CDC14A: variants seen among roughly 807,000 people sequenced by gnomAD.
CDC14A encodes cell division cycle 14A, also known as dual specificity protein phosphatase CDC14A.
CDC14A carries 53 observed loss-of-function variants against 74.4 expected under a neutral mutation model. That is an observed-to-expected ratio of 0.71 (90% confidence interval 0.57 to 0.89). The LOEUF (loss-of-function observed/expected upper bound fraction) is 0.89. Among genes scored for constraint, CDC14A ranks in the 40% least tolerant of loss-of-function variants. The pLI is 0.00. For synonymous variants in CDC14A, 247 were observed against 258.4 expected (o/e 0.96, Z 0.43); for missense variants, 646 against 713.7 (o/e 0.91, Z 1.08).
At chr1:100,472,540 T>C (rs1347812188) in intron 10 of CDC14A, among the ~76,000 whole-genome samples, 3 of 152,190 alleles carry the variant, frequency 2.0e-5, no homozygotes, top group Non-Finnish European at 4.4e-5. Flanking sequence ...TGTCTTTTCA[T>C]CCTCTTAATA....
At chr1:100,495,034 A>G in intron 12 of CDC14A, 104 bp downstream of exon 12, 1 of 639,650 alleles carries the variant, frequency 1.6e-6, no homozygotes, top group Non-Finnish European at 2.7e-6. Context: ...ATTTTGTTCT[A>G]CAAATACTAA....
chr1:100,495,476 C>T (rs1022899693), intron 12 of CDC14A, among the ~76,000 whole-genome samples: 3 of 152,168 alleles, frequency 2.0e-5, no homozygotes, highest in African/African-American at 7.2e-5. Context: ...ACATTTGAAA[C>T]CTGCTGATAG....
chr1:100,464,960 C>G (rs1667653325), intron 9 of CDC14A, among the ~76,000 whole-genome samples: 1 of 147,888 alleles, frequency 6.8e-6, no homozygotes, highest in African/African-American at 2.5e-5. Context: ...GAGTCTCGCT[C>G]TGTCACCCAG....
At chr1:100,354,523 A>G (rs1651605199) in intron 2 of CDC14A, among the ~76,000 whole-genome samples, 1 of 152,250 alleles carries the variant, frequency 6.6e-6, no homozygotes, top group Non-Finnish European at 1.5e-5. Flanking sequence ...AAATAAAAGT[A>G]GGGAACTGTT....
intron 4 of CDC14A, among the ~76,000 whole-genome samples, chr1:100,412,723 T>TATATATATATTTATATATATATATATATA (rs1491148182): frequency 1.2e-5 from 1 of 83,722 alleles, no homozygotes; most frequent in African/African-American, 1.0e-4. Flanking sequence ...TATATATATA[T>TATATATATATTTATATATATATATATATA]TTTATATATA....
intron 2 of CDC14A, among the ~76,000 whole-genome samples, chr1:100,363,392 C>A (rs147467769): frequency 6.6e-6 from 1 of 152,332 alleles, no homozygotes; most frequent in East Asian, 1.9e-4. Context: ...GCTCCCGAAC[C>A]CTCAGTACCT....
chr1:100,442,698 G>A (rs931888845), intron 6 of CDC14A, among the ~76,000 whole-genome samples: 1 of 151,794 alleles, frequency 6.6e-6, no homozygotes, highest in African/African-American at 2.4e-5. Context: ...AGAAATCAAG[G>A]CATCTTTTGT....
At chr1:100,435,688 G>A (rs1484387203) in intron 5 of CDC14A, among the ~76,000 whole-genome samples, 1 of 152,084 alleles carries the variant, frequency 6.6e-6, no homozygotes, top group Non-Finnish European at 1.5e-5. Context: ...AATTAGCCAG[G>A]CATGGTGGCA....
intron 4 of CDC14A, among the ~76,000 whole-genome samples, chr1:100,414,072 G>A (rs1661210631): frequency 6.6e-6 from 1 of 152,058 alleles, no homozygotes; most frequent in South Asian, 2.1e-4. Context: ...TTAGATATAT[G>A]ATTTTAATGA....
At chr1:100,505,371 A>G (rs1208013701) in intron 15 of CDC14A, among the ~76,000 whole-genome samples, 2 of 152,204 alleles carry the variant, frequency 1.3e-5, no homozygotes, top group African/African-American at 4.8e-5. Flanking sequence ...TTGGTAGCCT[A>G]TGAATAGGTT....
At chr1:100,481,454 A>C (rs1571305127) in intron 10 of CDC14A, among the ~76,000 whole-genome samples, 1 of 152,344 alleles carries the variant, frequency 6.6e-6, no homozygotes, top group Middle Eastern at 3.4e-3. Context: ...AGAACTAGGA[A>C]TATTCACTAT....
At chr1:100,362,311 AT>A (rs150335449) in intron 2 of CDC14A, among the ~76,000 whole-genome samples, 13,654 of 151,958 alleles carry the variant, frequency 0.09, 2,115 homozygotes, top group African/African-American at 0.31. Flanking sequence ...TCTTAGAAAT[AT>A]TTTTTTTAAT....
At chr1:100,366,267 G>A (rs1486996552) in intron 2 of CDC14A, among the ~76,000 whole-genome samples, 1 of 152,190 alleles carries the variant, frequency 6.6e-6, no homozygotes, top group East Asian at 1.9e-4. Flanking sequence ...TGATGAATAT[G>A]CTAACTAGTA....
Position 100,457,929 on chromosome 1 carries a change from C to G in CDC14A, c.607+2437C>G, listed in dbSNP as rs12029084. On this transcript the variant is annotated intron_variant, in intron 8 of 15. Transcript: ENST00000336454. ...CATCTTTTTGCAGCTGTAGTTTCTT[C>G]TCTAAATTGTTAGAAATAGAATCAC... 7.2e-5 allele frequency among the ~76,000 whole-genome samples: 11 copies of G among 152,130 alleles called. No homozygotes were observed. The East Asian group carries it at 1.5e-3, about 21-fold the overall frequency.
intron 4 of CDC14A, among the ~76,000 whole-genome samples, chr1:100,394,352 A>G (rs1658166695): frequency 6.6e-6 from 1 of 152,170 alleles, no homozygotes; most frequent in South Asian, 2.1e-4. Flanking sequence ...TCCTGGCCTC[A>G]AGTGATCCCC....
At chr1:100,417,837 G>A (rs1349100580) in intron 4 of CDC14A, among the ~76,000 whole-genome samples, 3 of 152,134 alleles carry the variant, frequency 2.0e-5, no homozygotes, top group Admixed American at 6.5e-5. Context: ...ATCCTTATAT[G>A]TTTAAAGTAG....
At chr1:100,422,828 C>G (rs1662522082) in intron 4 of CDC14A, among the ~76,000 whole-genome samples, 1 of 152,068 alleles carries the variant, frequency 6.6e-6, no homozygotes, top group East Asian at 1.9e-4. Context: ...TCAGAATGGA[C>G]TCGTTTTCTA....
At chr1:100,402,978 TC>T (rs1285943513) in intron 4 of CDC14A, among the ~76,000 whole-genome samples, 1 of 152,204 alleles carries the variant, frequency 6.6e-6, no homozygotes, top group Non-Finnish European at 1.5e-5. Flanking sequence ...GCCAAAACTT[TC>T]GTGTACCAAC....
intron 5 of CDC14A, among the ~76,000 whole-genome samples, chr1:100,437,081 G>A (rs1424175629): frequency 6.6e-6 from 1 of 152,142 alleles, no homozygotes; most frequent in Non-Finnish European, 1.5e-5. Flanking sequence ...AGCTAATTCA[G>A]GGGCTGAGGC....
Sources: gnomAD v4.1 joint callset for allele counts (sites outside exome capture counted in the v4.1 genomes callset) on GRCh38, gnomAD v4.1.1 for gene constraint, MANE v1.5 for transcripts, NCBI Gene and HGNC (gene_info 2026-07-23, HGNC 2026-07-21) for gene names.